The following ZFAND3 variants were observed in gnomAD, a reference collection of about 807,000 sequenced individuals.
ZFAND3 encodes zinc finger AN1-type containing 3.
Under a neutral mutation model 29.6 loss-of-function variants are expected in ZFAND3, and 10 were observed. That is an observed-to-expected ratio of 0.34 (90% confidence interval 0.21 to 0.57). The LOEUF is 0.57. Ranked by LOEUF, ZFAND3 falls within the 20% of genes least tolerant of loss-of-function variation. The pLI is 0.86. For missense variants in ZFAND3, 230 were observed against 304.5 expected (o/e 0.76, Z 1.82); for synonymous variants, 128 against 112.6 (o/e 1.14, Z -0.87).
Position 38,060,079 on chromosome 6 carries a change from C to G in ZFAND3, c.113-1514C>G, listed in dbSNP as rs148652664. 1.9e-3 allele frequency among the ~76,000 whole-genome samples: 296 copies of G among 152,178 alleles called. 1 individual carries two copies. Among genetic ancestry groups the G allele is most frequent in the African/African-American group, 6.8e-3 (282 of 41,510 alleles). On this transcript the variant is annotated intron_variant, in intron 2 of 5. Coordinates refer to ENST00000287218, the MANE Select transcript of ZFAND3 (RefSeq NM_021943.3). The stretch of plus-strand genomic sequence containing the variant: ...ACTTTGTATCCCTGCTTATATGAAG[C>G]TTTTCAACCAAACCCAGATTGAAAA...
chr6:38,010,234 A>G (rs1028665843), intron 2 of ZFAND3, among the ~76,000 whole-genome samples: 3 of 152,206 alleles, frequency 2.0e-5, no homozygotes, highest in East Asian at 1.9e-4. Context: ...AGACTCATCA[A>G]TGAACCTAGC....
chr6:37,891,767 C>G (rs992592834), intron 1 of ZFAND3, among the ~76,000 whole-genome samples: 1 of 151,956 alleles, frequency 6.6e-6, no homozygotes, highest in Non-Finnish European at 1.5e-5. Flanking sequence ...CTCGCTCTGT[C>G]GCTTAGGCTG....
chr6:38,059,074 A>C (rs554693890), intron 2 of ZFAND3, among the ~76,000 whole-genome samples: 4 of 152,194 alleles, frequency 2.6e-5, no homozygotes, highest in Non-Finnish European at 5.9e-5. Context: ...TGTACTTCAT[A>C]GAGTAGCGTT....
chr6:38,004,839 C>A (rs58084785), intron 2 of ZFAND3, among the ~76,000 whole-genome samples: 3 of 152,200 alleles, frequency 2.0e-5, no homozygotes, highest in African/African-American at 7.2e-5. Flanking sequence ...TAACACAGAT[C>A]ATCATCATGT....
chr6:37,996,734 G>T (rs962162092), intron 2 of ZFAND3, among the ~76,000 whole-genome samples: 4 of 151,756 alleles, frequency 2.6e-5, no homozygotes, highest in Non-Finnish European at 5.9e-5. Flanking sequence ...TTTCCTTCAG[G>T]TTCTTTATAT....
chr6:37,860,655 T>G lies in ZFAND3; in HGVS notation c.71+40639T>G, dbSNP rs77989301. Among the ~76,000 whole-genome samples, 737 of 144,448 alleles carry G rather than the reference T, an allele frequency of 5.1e-3. 1 individual carries two copies. Among genetic ancestry groups the G allele is most frequent in the South Asian group, 9.9e-3 (46 of 4,638 alleles). The allele number at this position is 144,448 out of a possible 152,430, so 94.8% of individuals were successfully genotyped here. On this transcript the variant is annotated intron_variant, in intron 1 of 5. Coordinates refer to ENST00000287218, the MANE Select transcript of ZFAND3 (RefSeq NM_021943.3). Reference sequence around the variant, plus strand: ...TCACTTAGTTTTTTTTTTTTTTTTTTTTAAGTAGGTTTAGATTTTAGTTAA... The same window carrying G: ...TCACTTAGTTTTTTTTTTTTTTTTTGTTAAGTAGGTTTAGATTTTAGTTAA...
intron 1 of ZFAND3, among the ~76,000 whole-genome samples, chr6:37,868,262 G>A (rs1269666386): frequency 1.3e-5 from 2 of 152,160 alleles, no homozygotes; most frequent in Non-Finnish European, 2.9e-5. Flanking sequence ...TGAATAGAAA[G>A]AAAAACAAAG....
intron 2 of ZFAND3, among the ~76,000 whole-genome samples, chr6:37,952,408 A>G (rs1762013649): frequency 1.3e-5 from 2 of 151,904 alleles, no homozygotes; most frequent in South Asian, 2.1e-4. Context: ...TAGGATTTCA[A>G]TTTCTTCCTG....
chr6:38,060,995 CG>C (rs1764226730), intron 2 of ZFAND3, among the ~76,000 whole-genome samples: 1 of 152,084 alleles, frequency 6.6e-6, no homozygotes, highest in African/African-American at 2.4e-5. Flanking sequence ...TGGACCCACA[CG>C]GTTCAAACCC....
intron 1 of ZFAND3, among the ~76,000 whole-genome samples, chr6:37,873,109 A>C (rs1257826705): frequency 6.6e-5 from 10 of 151,252 alleles, no homozygotes; most frequent in Non-Finnish European, 8.8e-5. Context: ...AACAAAAAAA[A>C]CCCCCCAAAA....
chr6:37,962,722 A>C (rs1762219331), intron 2 of ZFAND3, among the ~76,000 whole-genome samples: 1 of 152,202 alleles, frequency 6.6e-6, no homozygotes, highest in Admixed American at 6.5e-5. Flanking sequence ...GGCGGGGCCA[A>C]ATAAGGGAAT....
At chr6:38,006,910 A>AC (rs1763060697) in intron 2 of ZFAND3, among the ~76,000 whole-genome samples, 2 of 152,088 alleles carry the variant, frequency 1.3e-5, no homozygotes, top group African/African-American at 4.8e-5. Flanking sequence ...AAAGGGCCAC[A>AC]AGTGGTTCCA....
At chr6:38,033,253 T>C (rs1763595497) in intron 2 of ZFAND3, among the ~76,000 whole-genome samples, 1 of 152,182 alleles carries the variant, frequency 6.6e-6, no homozygotes, top group African/African-American at 2.4e-5. Context: ...ATATAGACTC[T>C]CATCTATAAT....
At chr6:38,010,686 G>A (rs1239485405) in intron 2 of ZFAND3, among the ~76,000 whole-genome samples, 2 of 147,468 alleles carry the variant, frequency 1.4e-5, no homozygotes, top group Non-Finnish European at 3.0e-5. Context: ...TGCAACCTCC[G>A]CCTCACGGGT....
intron 2 of ZFAND3, among the ~76,000 whole-genome samples, chr6:37,967,997 A>G (rs1196769313): frequency 1.3e-5 from 2 of 152,194 alleles, no homozygotes; most frequent in East Asian, 1.9e-4. Flanking sequence ...AAGGTTCCCT[A>G]AAACAATTGC....
At chr6:38,036,086 C>G (rs1338816840) in intron 2 of ZFAND3, among the ~76,000 whole-genome samples, 1 of 152,134 alleles carries the variant, frequency 6.6e-6, no homozygotes, top group Non-Finnish European at 1.5e-5. Context: ...GTCTGTTCTC[C>G]CTGGCTAAAG....
At chr6:37,868,720 A>G (rs1167884546) in intron 1 of ZFAND3, among the ~76,000 whole-genome samples, 1 of 152,200 alleles carries the variant, frequency 6.6e-6, no homozygotes, top group Non-Finnish European at 1.5e-5. Context: ...GATAAACGTC[A>G]CTTGGTCATG....
intron 1 of ZFAND3, among the ~76,000 whole-genome samples, chr6:37,828,722 C>T (rs1763803052): frequency 6.6e-6 from 1 of 151,892 alleles, no homozygotes; most frequent in African/African-American, 2.4e-5. Context: ...CATCTTGGCT[C>T]ACTGCAACCT....
Position 38,068,381 on chromosome 6 carries a change from T to C in ZFAND3, c.295+6606T>C, listed in dbSNP as rs1764386352. Among the ~76,000 whole-genome samples the C allele has an allele frequency of 4.6e-5, 7 of 152,364 alleles. No individual in the cohort carries two copies. The South Asian group carries it at 1.4e-3, about 32-fold the overall frequency. On this transcript the variant is annotated intron_variant, in intron 3 of 5. Coordinates refer to ENST00000287218, the MANE Select transcript of ZFAND3 (RefSeq NM_021943.3). ...CAGCCCCACTCATTTGTTACTGTAT[T>C]GTCTGTGGCTGCTTCTGTGCTACAA...
Sources: gnomAD v4.1 joint callset for allele counts (sites outside exome capture counted in the v4.1 genomes callset) on GRCh38, gnomAD v4.1.1 for gene constraint, MANE v1.5 for transcripts, NCBI Gene and HGNC (gene_info 2026-07-23, HGNC 2026-07-21) for gene names.